VPS35L: variants seen among roughly 807,000 people sequenced by gnomAD.
VPS35L encodes VPS35 endosomal protein sorting factor like.
VPS35L carries 83 observed loss-of-function variants against 133.0 expected under a neutral mutation model. That is an observed-to-expected ratio of 0.62 (90% CI 0.52 to 0.75). The LOEUF (loss-of-function observed/expected upper bound fraction) is 0.75. Among genes scored for constraint, VPS35L ranks in the 30% least tolerant of loss-of-function variants. VPS35L has a pLI of 0.00. For synonymous variants in VPS35L, 423 were observed against 449.9 expected, an observed-to-expected ratio of 0.94 and a Z score of 0.76; for missense variants, 1,083 against 1,206.8, an observed-to-expected ratio of 0.90 and a Z score of 1.52.
chr16:19,594,670 AAGAAGAG>A (rs1972151232), intron 8 of VPS35L, among the ~76,000 whole-genome samples: 2 of 107,568 alleles, frequency 1.9e-5, no homozygotes, highest in African/African-American at 4.2e-5. Context: ...AAAAAAAAAA[AAGAAGAG>A]AAAAAAAATC....
At chr16:19,624,028 T>G (rs1973176462) in intron 14 of VPS35L, among the ~76,000 whole-genome samples, 2 of 148,832 alleles carry the variant, frequency 1.3e-5, no homozygotes, top group South Asian at 4.2e-4. Flanking sequence ...GGTCTTGAAC[T>G]CCTAAGGTCA....
At chr16:19,589,394 C>G (rs1289190090) in intron 7 of VPS35L, among the ~76,000 whole-genome samples, 1 of 152,160 alleles carries the variant, frequency 6.6e-6, no homozygotes, top group Non-Finnish European at 1.5e-5. Flanking sequence ...CAGGCACACA[C>G]CACCATGCCT....
intron 5 of VPS35L, among the ~76,000 whole-genome samples, chr16:19,578,110 A>G (rs951488341): frequency 6.6e-6 from 1 of 152,178 alleles, no homozygotes; most frequent in Non-Finnish European, 1.5e-5. Context: ...GTACAGTTTT[A>G]TAGGAACAGA....
chr16:19,594,422 T>A (rs1039872198), intron 8 of VPS35L, among the ~76,000 whole-genome samples: 3 of 151,914 alleles, frequency 2.0e-5, no homozygotes, highest in African/African-American at 7.3e-5. Context: ...GGTGGTTGGA[T>A]CACTTCAGGT....
At chr16:19,646,230 C>T (rs72767586) in intron 23 of VPS35L, among the ~76,000 whole-genome samples, 31,162 of 152,054 alleles carry the variant, frequency 0.2, 3,948 homozygotes, top group Non-Finnish European at 0.27. Flanking sequence ...TGGATATGGG[C>T]TGGGGCATCT....
rs1171783887 is a variant in VPS35L, at chr16:19,579,127, A to T, written c.509A>T (p.Glu170Val). ...CTGGAGGAGCTGGATGACTTTGAGGAGGTGAGCAAGTCATTTGTGGAATAC... is the reference window on the plus strand; with the variant it reads ...CTGGAGGAGCTGGATGACTTTGAGGTGGTGAGCAAGTCATTTGTGGAATAC... Reference protein sequence around the residue: ...TRLEELDDFEEGSQKELLNLT... With the variant: ...TRLEELDDFEVGSQKELLNLT... The change falls in exon 6 of 31, where the codon GAG becomes GTG. Residue 170 changes from glutamate to valine, a missense_variant and splice_region_variant. Transcript: ENST00000417362. 6.2e-7 allele frequency: 1 copy of T among 1,613,326 alleles called. No individual in the cohort carries two copies.
chr16:19,656,422 A>C (rs1309350244), intron 26 of VPS35L, among the ~76,000 whole-genome samples: 2 of 151,710 alleles, frequency 1.3e-5, no homozygotes, highest in African/African-American at 4.9e-5. Flanking sequence ...GCCTGAGCAA[A>C]GGCATGGAGA....
At position 19,558,935 on chromosome 16, in the gene VPS35L, A is replaced by C. The variant is rs961389652; in HGVS notation, c.17+3189A>C. Among the ~76,000 whole-genome samples, 9 of 151,990 alleles carry C rather than the reference A, an allele frequency of 5.9e-5. No individual in the cohort carries two copies. In the East Asian group the frequency reaches 1.2e-3, roughly 20 times the overall value. On this transcript the variant is annotated intron_variant, in intron 1 of 30. Coordinates refer to ENST00000417362, the MANE Select transcript of VPS35L (RefSeq NM_020314.7). ...GAGACTCCGTCTCAAAAAAAAAAAAAAAACAACCCTTGGAGTCAGAATCTC... is the reference window on the plus strand; with the variant it reads ...GAGACTCCGTCTCAAAAAAAAAAAACAAACAACCCTTGGAGTCAGAATCTC...
At chr16:19,570,466 A>G (rs1297026841) in intron 3 of VPS35L, among the ~76,000 whole-genome samples, 1 of 152,194 alleles carries the variant, frequency 6.6e-6, no homozygotes, top group Non-Finnish European at 1.5e-5. Context: ...GACACTACAG[A>G]TAAAGTCATG....
At chr16:19,615,190 G>C (rs888598348) in intron 12 of VPS35L, among the ~76,000 whole-genome samples, 1 of 152,168 alleles carries the variant, frequency 6.6e-6, no homozygotes, top group Non-Finnish European at 1.5e-5. Context: ...ACAATCTTGA[G>C]AGTACATTCC....
At chr16:19,565,614 A>G (rs775358492) in intron 2 of VPS35L, among the ~76,000 whole-genome samples, 24 of 152,304 alleles carry the variant, frequency 1.6e-4, no homozygotes, top group Middle Eastern at 6.8e-3. Flanking sequence ...TGGCCTCCCA[A>G]ACTGCTGGGA....
At chr16:19,585,556 C>T (rs1971838725) in intron 7 of VPS35L, among the ~76,000 whole-genome samples, 1 of 151,946 alleles carries the variant, frequency 6.6e-6, no homozygotes, top group African/African-American at 2.4e-5. Context: ...TGGCCACAAC[C>T]ATGCCCAGTT....
chr16:19,685,629 A>G (rs1567487461), intron 28 of VPS35L, among the ~76,000 whole-genome samples: 1 of 152,216 alleles, frequency 6.6e-6, no homozygotes, highest in Admixed American at 6.5e-5. Flanking sequence ...GGTTAAACCA[A>G]TTGACATTCC....
At chr16:19,614,174 T>C (rs1422576357) in intron 12 of VPS35L, among the ~76,000 whole-genome samples, 1 of 152,184 alleles carries the variant, frequency 6.6e-6, no homozygotes, top group South Asian at 2.1e-4. Flanking sequence ...TTCTACAATA[T>C]GATTAAGTGG....
At chr16:19,605,399 T>G (rs900377141) in intron 9 of VPS35L, among the ~76,000 whole-genome samples, 1 of 152,228 alleles carries the variant, frequency 6.6e-6, no homozygotes, top group Non-Finnish European at 1.5e-5. Flanking sequence ...AACTGTGTCA[T>G]GTCATTGCCA....
intron 14 of VPS35L, among the ~76,000 whole-genome samples, chr16:19,621,993 C>T (rs1265750335): frequency 6.6e-6 from 1 of 151,698 alleles, no homozygotes; most frequent in Non-Finnish European, 1.5e-5. Context: ...TGTGTGTGCA[C>T]GTGCATGCAT....
chr16:19,652,157 C>G (rs549647689), intron 26 of VPS35L, 67 bp downstream of exon 26: 2 of 1,083,412 alleles, frequency 1.8e-6, no homozygotes, highest in African/African-American at 3.1e-5. Context: ...CAGGTGTGTG[C>G]GTATGTGTGT....
At chr16:19,589,416 G>T (rs1423617179) in intron 7 of VPS35L, among the ~76,000 whole-genome samples, 1 of 151,972 alleles carries the variant, frequency 6.6e-6, no homozygotes, top group Non-Finnish European at 1.5e-5. Context: ...GATAATTTTT[G>T]TATTTTTTGT....
chr16:19,621,193 T>C (rs1973068683), intron 14 of VPS35L, among the ~76,000 whole-genome samples: 1 of 152,098 alleles, frequency 6.6e-6, no homozygotes, highest in African/African-American at 2.4e-5. Flanking sequence ...GAGTATCCCA[T>C]TGTGTAAAAA....
Sources: gnomAD v4.1 joint callset for allele counts (sites outside exome capture counted in the v4.1 genomes callset) on GRCh38, gnomAD v4.1.1 for gene constraint, MANE v1.5 for transcripts, NCBI Gene and HGNC (gene_info 2026-07-23, HGNC 2026-07-21) for gene names.